Variants in SPOCK1 observed in about 807,000 individuals in gnomAD.
The protein encoded by SPOCK1 is testican-1.
In SPOCK1, 23 loss-of-function variants were observed where a neutral mutation model predicts 55.3. The observed-to-expected ratio is 0.42, with a 90% CI of 0.30 to 0.59. The LOEUF (loss-of-function observed/expected upper bound fraction) is 0.59, where lower values mean the gene tolerates loss of function less well. SPOCK1 is among the 20% of genes least tolerant of loss of function. SPOCK1 has a pLI of 0.22. For missense variants in SPOCK1, 499 were observed against 552.5 expected, an observed-to-expected ratio of 0.90 and a Z score of 0.97; for synonymous variants, 226 against 221.0, an observed-to-expected ratio of 1.02 and a Z score of -0.20.
Position 136,989,279 on chromosome 5 carries a change from G to C in SPOCK1, c.707-636C>G, listed in dbSNP as rs574332262. On this transcript the variant is annotated intron_variant, in intron 7 of 10. Transcript: ENST00000394945. Reference sequence around the variant, plus strand: ...TTCTTATTTCCCTGGGGGAGAAGAAGTTGTTTTCTTAAAGAATTATTTGTT... The same window carrying C: ...TTCTTATTTCCCTGGGGGAGAAGAACTTGTTTTCTTAAAGAATTATTTGTT... Among the ~76,000 whole-genome samples the C allele has an allele frequency of 2.0e-5, 3 of 152,280 alleles. No homozygotes were observed. In the East Asian group the frequency reaches 5.8e-4, roughly 29 times the overall value.
intron 6 of SPOCK1, among the ~76,000 whole-genome samples, chr5:137,057,075 C>A (rs1231242827): frequency 1.3e-5 from 2 of 152,160 alleles, no homozygotes; most frequent in East Asian, 3.9e-4. Context: ...CCTCCCAGTA[C>A]TTCCCCTAAA....
At chr5:137,464,503 G>A (rs1163643618) in intron 2 of SPOCK1, among the ~76,000 whole-genome samples, 1 of 146,174 alleles carries the variant, frequency 6.8e-6, no homozygotes, top group Non-Finnish European at 1.5e-5. Context: ...GCAAGAAATG[G>A]TATGGGCCTA....
intron 2 of SPOCK1, among the ~76,000 whole-genome samples, chr5:137,382,365 G>A (rs1461728868): frequency 6.6e-6 from 1 of 152,160 alleles, no homozygotes; most frequent in Non-Finnish European, 1.5e-5. Flanking sequence ...CTGTTACCCA[G>A]TTACAAAGAT....
intron 3 of SPOCK1, among the ~76,000 whole-genome samples, chr5:137,148,569 G>A (rs1434003259): frequency 1.3e-5 from 2 of 152,146 alleles, no homozygotes; most frequent in African/African-American, 4.8e-5. Flanking sequence ...GAAAGAGGAA[G>A]TAGAAGGAAA....
chr5:137,119,841 C>T (rs149764615), intron 4 of SPOCK1, among the ~76,000 whole-genome samples: 460 of 152,354 alleles, frequency 3.0e-3, no homozygotes, highest in African/African-American at 6.3e-3. Flanking sequence ...GCTGTTACTA[C>T]TACCCATAAT....
chr5:137,421,557 TTC>T (rs1443608507), intron 2 of SPOCK1, among the ~76,000 whole-genome samples: 1 of 152,218 alleles, frequency 6.6e-6, no homozygotes, highest in African/African-American at 2.4e-5. Context: ...TGTAATGGCC[TTC>T]TTTGTCTCTT....
chr5:137,433,160 A>C (rs1193155903), intron 2 of SPOCK1, among the ~76,000 whole-genome samples: 1 of 152,240 alleles, frequency 6.6e-6, no homozygotes, highest in Non-Finnish European at 1.5e-5. Context: ...GGGTTTGAGG[A>C]AAGTTCCAAA....
At chr5:137,370,784 C>T (rs1751184825) in intron 2 of SPOCK1, among the ~76,000 whole-genome samples, 1 of 152,254 alleles carries the variant, frequency 6.6e-6, no homozygotes, top group South Asian at 2.1e-4. Flanking sequence ...TGTTATATCA[C>T]ATGCCTCCTT....
rs759248252 is a variant in SPOCK1 at position 136,988,380 on chromosome 5, G to T, written c.928+42C>A. 3.9e-6 allele frequency: 6 copies of T among 1,556,160 alleles called. No individual in the cohort carries two copies. The African/African-American group carries it at 5.4e-5, about 14-fold the overall frequency. ...CGCAGTCCTCCTCTGCTCCAGCAAG[G>T]CTGCCCTGGGCTAGGGACCCCAACC... On this transcript the variant is annotated intron_variant, in intron 8 of 10. Coordinates refer to ENST00000394945, the MANE Select transcript of SPOCK1 (RefSeq NM_004598.4).
At chr5:137,006,123 T>C (rs1751241577) in intron 6 of SPOCK1, among the ~76,000 whole-genome samples, 1 of 152,236 alleles carries the variant, frequency 6.6e-6, no homozygotes, top group Admixed American at 6.5e-5. Flanking sequence ...TAGTATAGTT[T>C]GAAGTCAGGT....
At chr5:137,115,510 TC>T in intron 4 of SPOCK1, among the ~76,000 whole-genome samples, 1 of 152,328 alleles carries the variant, frequency 6.6e-6, no homozygotes, top group Non-Finnish European at 1.5e-5. Context: ...GAAACATTGT[TC>T]CTGGCTCTAT....
intron 3 of SPOCK1, among the ~76,000 whole-genome samples, chr5:137,156,295 G>A (rs1189704414): frequency 6.6e-6 from 1 of 152,028 alleles, no homozygotes; most frequent in Non-Finnish European, 1.5e-5. Flanking sequence ...GGCTTCCAAG[G>A]GTCATGAATA....
chr5:137,442,900 T>C (rs1291904918), intron 2 of SPOCK1, among the ~76,000 whole-genome samples: 1 of 152,232 alleles, frequency 6.6e-6, no homozygotes, highest in Non-Finnish European at 1.5e-5. Flanking sequence ...GTCCCTGTCA[T>C]GTGACCTGCT....
chr5:137,424,960 T>C (rs916159240), intron 2 of SPOCK1, among the ~76,000 whole-genome samples: 1 of 152,242 alleles, frequency 6.6e-6, no homozygotes, highest in African/African-American at 2.4e-5. Flanking sequence ...TGCATTTTAT[T>C]GCATATAAGT....
At chr5:136,991,151 A>C (rs1750940993) in intron 7 of SPOCK1, among the ~76,000 whole-genome samples, 1 of 152,124 alleles carries the variant, frequency 6.6e-6, no homozygotes, top group Admixed American at 6.5e-5. Flanking sequence ...ATCTCCAGAG[A>C]CTGGAGGCTG....
chr5:137,099,216 A>G (rs1485628104), intron 5 of SPOCK1, among the ~76,000 whole-genome samples: 1 of 152,202 alleles, frequency 6.6e-6, no homozygotes, highest in South Asian at 2.1e-4. Context: ...GGGTACCAGC[A>G]TCAAAAATGA....
At chr5:137,056,963 C>G (rs1752313372) in intron 6 of SPOCK1, among the ~76,000 whole-genome samples, 1 of 152,092 alleles carries the variant, frequency 6.6e-6, no homozygotes, top group African/African-American at 2.4e-5. Context: ...GGACCTGCCT[C>G]CAGGAAGACC....
intron 3 of SPOCK1, among the ~76,000 whole-genome samples, chr5:137,222,472 C>A (rs1436353456): frequency 6.6e-6 from 1 of 152,142 alleles, no homozygotes; most frequent in Non-Finnish European, 1.5e-5. Context: ...AAATAAGACC[C>A]TCAATTAAAG....
intron 3 of SPOCK1, among the ~76,000 whole-genome samples, chr5:137,145,586 A>T (rs1453111687): frequency 6.6e-6 from 1 of 152,192 alleles, no homozygotes; most frequent in Non-Finnish European, 1.5e-5. Flanking sequence ...GTGTTTATTC[A>T]ATTAATATTT....
Sources: allele counts gnomAD v4.1 joint callset (sites outside exome capture counted in the v4.1 genomes callset), GRCh38; gene constraint gnomAD v4.1.1; transcripts MANE v1.5; gene names NCBI Gene and HGNC (gene_info 2026-07-23, HGNC 2026-07-21).